Variants in ETV7 observed in about 807,000 individuals in gnomAD.
The protein encoded by ETV7 is ETS variant transcription factor 7.
ETV7 carries 43 observed loss-of-function variants against 39.1 expected under a neutral mutation model. The observed-to-expected ratio is 1.10, with a 90% CI of 0.86 to 1.42. The LOEUF is 1.42. ETV7 is among the 40% of genes most tolerant of loss of function. The pLI is 0.00. For synonymous variants in ETV7, 196 were observed against 176.6 expected, an observed-to-expected ratio of 1.11 and a Z score of -0.87; for missense variants, 432 against 442.3, an observed-to-expected ratio of 0.98 and a Z score of 0.21.
chr6:36,371,583 G>A, intron 4 of ETV7, 23 bp from the exon 5 acceptor site: 1 of 1,553,242 alleles, frequency 6.4e-7, no homozygotes, highest in South Asian at 1.2e-5. Context: ...GAGCACCAGT[G>A]GTAGCAGGCA....
chr6:36,373,689 C>G (rs756141211), intron 3 of ETV7, 111 bp from the exon 4 acceptor site: 2 of 1,260,724 alleles, frequency 1.6e-6, no homozygotes, highest in Non-Finnish European at 2.1e-6. Flanking sequence ...TGTCTTGTCA[C>G]AGCTTCATGC....
downstream of ETV7, among the ~76,000 whole-genome samples, chr6:36,362,740 A>T (rs1772541655): frequency 6.6e-6 from 1 of 152,094 alleles, no homozygotes; most frequent in African/African-American, 2.4e-5. Context: ...CGGAGTCGGG[A>T]TCTCTGGCAG....
downstream of ETV7, among the ~76,000 whole-genome samples, chr6:36,362,873 A>C (rs998854691): frequency 7.2e-5 from 11 of 152,266 alleles, no homozygotes; most frequent in Middle Eastern, 3.4e-3. Flanking sequence ...CCATCAACCC[A>C]CCAGCAGGCA....
At chr6:36,385,444 C>T (rs1773848054) in intron 2 of ETV7, 90 bp downstream of exon 2, 1 of 1,542,730 alleles carries the variant, frequency 6.5e-7, no homozygotes, top group African/African-American at 1.4e-5. Flanking sequence ...TGCACTCTAG[C>T]CTAAGTAAGC....
downstream of ETV7, among the ~76,000 whole-genome samples, chr6:36,362,641 C>G (rs139314500): frequency 6.6e-6 from 1 of 152,212 alleles, no homozygotes; most frequent in Admixed American, 6.5e-5. Context: ...TTACTCCAGG[C>G]ACCCAGGGGT....
intron 6 of ETV7, 99 bp downstream of exon 6, chr6:36,368,830 A>G: frequency 6.7e-7 from 1 of 1,496,886 alleles, no homozygotes; most frequent in Non-Finnish European, 9.1e-7. Context: ...TGAAGGCCCC[A>G]TCAGCTGAGG....
chr6:36,373,926 ACGTT>A (rs1224246268), intron 3 of ETV7, among the ~76,000 whole-genome samples: 1 of 152,218 alleles, frequency 6.6e-6, no homozygotes, highest in African/African-American at 2.4e-5. Flanking sequence ...ACTGTACCTC[ACGTT>A]CCTGGGAGCA....
intron 7 of ETV7, among the ~76,000 whole-genome samples, chr6:36,359,756 G>C (rs1772437291): frequency 6.6e-6 from 1 of 152,192 alleles, no homozygotes; most frequent in African/African-American, 2.4e-5. Flanking sequence ...TTAAATAAAT[G>C]AATGCATTAT....
Position 36,366,415 on chromosome 6 carries a change from C to T in ETV7, c.*230G>A, listed in dbSNP as rs1420242025. ...CCCAGGGGTGCAGTAGGGGAGAGTC[C>T]ATTCCCCTGTACCTCATTTAGCCCC... On this transcript the variant is annotated 3_prime_UTR_variant, in exon 8 of 8. Transcript: ENST00000340181. The T allele has an allele frequency of 7.2e-6, 10 of 1,389,800 alleles. No homozygotes were observed. Among genetic ancestry groups the T allele is most frequent in the Non-Finnish European group, 9.3e-6 (10 of 1,071,710 alleles). 86.1% of individuals were successfully genotyped at this position (1,389,800 alleles called of 1,614,324 possible).
At chr6:36,376,565 C>T (rs929506124) in intron 2 of ETV7, among the ~76,000 whole-genome samples, 25 of 152,090 alleles carry the variant, frequency 1.6e-4, no homozygotes, top group Non-Finnish European at 2.9e-4. Context: ...ATCACAAAGT[C>T]AGGAGATTCA....
chr6:36,363,447 C>T (rs1772595191), downstream of ETV7, among the ~76,000 whole-genome samples: 1 of 151,732 alleles, frequency 6.6e-6, no homozygotes, highest in Non-Finnish European at 1.5e-5. Context: ...TGTTACAGCT[C>T]TTAAAGCAGC....
chr6:36,372,074 A>G lies in ETV7; in HGVS notation c.434-514T>C, dbSNP rs140004747. 2.2e-4 allele frequency among the ~76,000 whole-genome samples: 33 copies of G among 152,370 alleles called. No homozygotes were observed. In the East Asian group the frequency reaches 6.0e-3, roughly 28 times the overall value. On this transcript the variant is annotated intron_variant, in intron 4 of 7. Transcript: ENST00000340181. The stretch of plus-strand genomic sequence containing the variant: ...GAGGTGAAAAAAATAAATCACCCTA[A>G]GGCAGATAGGGAAATCTGGGAAAGG...
chr6:36,356,759 CAA>C (rs1471105920), intron 7 of ETV7, among the ~76,000 whole-genome samples: 14 of 152,196 alleles, frequency 9.2e-5, no homozygotes, highest in South Asian at 2.1e-4. Flanking sequence ...CTCCCAGAGA[CAA>C]AGTTATTACC....
At chr6:36,377,167 A>T (rs899249757) in intron 2 of ETV7, among the ~76,000 whole-genome samples, 11 of 152,198 alleles carry the variant, frequency 7.2e-5, no homozygotes, top group Admixed American at 1.3e-4. Context: ...TGGGCAAAAA[A>T]TATTTAAAAT....
At chr6:36,369,855 A>G (rs542547797) in intron 5 of ETV7, among the ~76,000 whole-genome samples, 1 of 151,760 alleles carries the variant, frequency 6.6e-6, no homozygotes, top group Non-Finnish European at 1.5e-5. Context: ...GCAGTGAGCT[A>G]TGGTGGCATC....
downstream of ETV7, among the ~76,000 whole-genome samples, chr6:36,362,020 C>T (rs758441480): frequency 7.3e-5 from 11 of 151,574 alleles, no homozygotes; most frequent in South Asian, 2.1e-4. Flanking sequence ...CTGGTGTGGC[C>T]GGGCGCGGTG....
chr6:36,375,707 C>A, intron 3 of ETV7, 164 bp downstream of exon 3: 1 of 1,133,900 alleles, frequency 8.8e-7, no homozygotes, highest in Non-Finnish European at 1.3e-6. Flanking sequence ...AGCTAGGAAC[C>A]ACCAGATACA....
chr6:36,386,126 G>C (rs1331811255), intron 1 of ETV7, among the ~76,000 whole-genome samples: 2 of 152,168 alleles, frequency 1.3e-5, no homozygotes, highest in African/African-American at 2.4e-5. Flanking sequence ...TCAGGAGTTT[G>C]AGACCAGCCT....
intron 7 of ETV7, chr6:36,354,749 A>C: frequency 1.5e-6 from 1 of 671,908 alleles, no homozygotes; most frequent in Non-Finnish European, 2.7e-6. Flanking sequence ...ATGTAGACCA[A>C]TTTAGGGAGT....
Sources: allele counts gnomAD v4.1 joint callset (sites outside exome capture counted in the v4.1 genomes callset), GRCh38; gene constraint gnomAD v4.1.1; transcripts MANE v1.5; gene names NCBI Gene and HGNC (gene_info 2026-07-23, HGNC 2026-07-21).